Variants in IL31RA observed in about 807,000 individuals in gnomAD.
IL31RA encodes interleukin 31 receptor A.
IL31RA carries 66 observed loss-of-function variants against 83.7 expected under a neutral mutation model. The observed-to-expected ratio is 0.79, with a 90% CI of 0.65 to 0.97. IL31RA has a LOEUF of 0.97. IL31RA is among the 50% of genes least tolerant of loss of function. The pLI is 0.00. For missense variants in IL31RA, 798 were observed against 919.4 expected (o/e 0.87, Z 1.71); for synonymous variants, 325 against 329.0 (o/e 0.99, Z 0.13).
At chr5:55,851,019 C>A (rs551882508), upstream of IL31RA, among the ~76,000 whole-genome samples, 1 of 151,796 alleles carries the variant, frequency 6.6e-6, no homozygotes, top group South Asian at 2.1e-4. Flanking sequence ...CACTTCAACC[C>A]GGGAGGTGGA....
chr5:55,914,841 C>G lies in IL31RA; in HGVS notation c.1737-6C>G, dbSNP rs1451659440. The G allele has an allele frequency of 1.2e-6, 2 of 1,604,830 alleles. No individual in the cohort carries two copies. Among genetic ancestry groups the G allele is most frequent in the Non-Finnish European group, 1.7e-6 (2 of 1,171,400 alleles). On this transcript the variant is annotated splice_region_variant and splice_polypyrimidine_tract_variant and intron_variant, in intron 13 of 14. Coordinates refer to ENST00000652347, the MANE Select transcript of IL31RA (RefSeq NM_139017.7). Reference sequence around the variant, plus strand: ...ATTCCCATCTTAAAATCTTCTCTCTCATTAGCAAATTGACTCATCTGTGTT... The same window carrying G: ...ATTCCCATCTTAAAATCTTCTCTCTGATTAGCAAATTGACTCATCTGTGTT...
At chr5:55,901,306 T>C (rs539884798) in intron 8 of IL31RA, among the ~76,000 whole-genome samples, 2 of 152,230 alleles carry the variant, frequency 1.3e-5, no homozygotes, top group Admixed American at 6.5e-5. Context: ...AGAGGTGCTG[T>C]TAAATAGTAA....
At position 55,866,227 on chromosome 5, in the gene IL31RA, G is replaced by T. The variant is rs572337514; in HGVS notation, c.155-2564G>T. ...GAGGAGCTGCACCAGGCCACCCTCT[G>T]CCAGCACATTGTTAGGACTTCCATG... On this transcript the variant is annotated intron_variant, in intron 2 of 14. Transcript: ENST00000652347. Among the ~76,000 whole-genome samples the T allele has an allele frequency of 3.2e-4, 49 of 152,272 alleles. 2 individuals carry two copies. The South Asian group carries it at 9.7e-3, about 30-fold the overall frequency.
At chr5:55,884,476 C>T (rs1747456684) in intron 5 of IL31RA, among the ~76,000 whole-genome samples, 1 of 152,108 alleles carries the variant, frequency 6.6e-6, no homozygotes, top group South Asian at 2.1e-4. Flanking sequence ...ACTCTGTTAC[C>T]CAGGCTGGAG....
intron 5 of IL31RA, among the ~76,000 whole-genome samples, chr5:55,885,236 C>G (rs1747511131): frequency 6.6e-6 from 1 of 152,150 alleles, no homozygotes; most frequent in East Asian, 1.9e-4. Context: ...AGCATGCTCT[C>G]CTTGTCTGGA....
At chr5:55,867,193 GTGTGTT>G (rs1243425144) in intron 2 of IL31RA, among the ~76,000 whole-genome samples, 1 of 41,716 alleles carries the variant, frequency 2.4e-5, no homozygotes, top group African/African-American at 1.0e-4. Flanking sequence ...GTGTGTTTGT[GTGTGTT>G]TGTGTGTGTG....
At chr5:55,872,053 G>A (rs1439874611) in intron 3 of IL31RA, among the ~76,000 whole-genome samples, 1 of 152,008 alleles carries the variant, frequency 6.6e-6, no homozygotes, top group Non-Finnish European at 1.5e-5. Context: ...GGTTTTCATG[G>A]CTCCTAAAGC....
chr5:55,886,934 A>G (rs1747654374), intron 5 of IL31RA, among the ~76,000 whole-genome samples: 1 of 152,156 alleles, frequency 6.6e-6, no homozygotes, highest in Non-Finnish European at 1.5e-5. Flanking sequence ...CTGTCATTGC[A>G]CTTAACAGCA....
chr5:55,842,692 C>T, the IL31RA span, among the ~76,000 whole-genome samples: 1 of 152,158 alleles, frequency 6.6e-6, no homozygotes, highest in South Asian at 2.1e-4. Context: ...TTTACGTGTC[C>T]ATTTTCCCAC....
At chr5:55,896,275 G>T (rs1748326545) in intron 6 of IL31RA, 75 bp from the exon 7 acceptor site, 1 of 989,316 alleles carries the variant, frequency 1.0e-6, no homozygotes. Context: ...CTTCCCAACT[G>T]CCCAGCTAAC....
At chr5:55,879,045 C>T (rs1747027435) in intron 4 of IL31RA, among the ~76,000 whole-genome samples, 2 of 152,208 alleles carry the variant, frequency 1.3e-5, no homozygotes, top group Admixed American at 1.3e-4. Context: ...CATACATAAT[C>T]TCTTGCCCCA....
At chr5:55,880,850 A>G (rs904193793) in intron 4 of IL31RA, among the ~76,000 whole-genome samples, 18 of 152,296 alleles carry the variant, frequency 1.2e-4, no homozygotes, top group African/African-American at 4.3e-4. Flanking sequence ...TAGAAACACT[A>G]TTGTTAGCGG....
chr5:55,840,947 C>T, the IL31RA span, among the ~76,000 whole-genome samples: 3 of 152,306 alleles, frequency 2.0e-5, no homozygotes, highest in Middle Eastern at 3.4e-3. Context: ...TGCCACCATC[C>T]TTGGCACATA....
At chr5:55,860,816 A>G (rs956676673) in intron 2 of IL31RA, among the ~76,000 whole-genome samples, 1 of 152,200 alleles carries the variant, frequency 6.6e-6, no homozygotes, top group Admixed American at 6.5e-5. Flanking sequence ...GGCTGCCATA[A>G]CAAAATACCT....
chr5:55,916,343 G>A (rs992675461), intron 14 of IL31RA, among the ~76,000 whole-genome samples: 2 of 150,702 alleles, frequency 1.3e-5, no homozygotes, highest in African/African-American at 4.9e-5. Context: ...TCATGCTACT[G>A]TACTCCAGCC....
intron 5 of IL31RA, among the ~76,000 whole-genome samples, chr5:55,885,095 C>A (rs1747500152): frequency 6.6e-6 from 1 of 152,186 alleles, no homozygotes; most frequent in Non-Finnish European, 1.5e-5. Context: ...TGGATATGGT[C>A]ATTTATTCAG....
intron 6 of IL31RA, among the ~76,000 whole-genome samples, chr5:55,894,208 A>G (rs1313460225): frequency 6.6e-6 from 1 of 151,622 alleles, no homozygotes; most frequent in Admixed American, 6.6e-5. Context: ...TGCACGTGAG[A>G]GATGGAGTAA....
At chr5:55,855,216 C>T (rs1745284949) in intron 1 of IL31RA, among the ~76,000 whole-genome samples, 1 of 151,974 alleles carries the variant, frequency 6.6e-6, no homozygotes, top group African/African-American at 2.4e-5. Context: ...GTGATCATAG[C>T]TCATTGCAGC....
Position 55,913,483 on chromosome 5 carries a change from T to A in IL31RA, c.1649T>A (p.Phe550Tyr). ...TGTTCTTTGTTTTTCAAAGGTGTCTTTGAGATTATCCTCATAACTTCTCTG... is the reference window on the plus strand; with the variant it reads ...TGTTCTTTGTTTTTCAAAGGTGTCTATGAGATTATCCTCATAACTTCTCTG... ...INFKTLSFSVFEIILITSLIG... is the reference protein window; with the variant it reads ...INFKTLSFSVYEIILITSLIG... The change falls in exon 13 of 15, where the codon TTT becomes TAT. Residue 550 changes from phenylalanine (F) to tyrosine (Y), a missense_variant. Physicochemically the swap from Phe to Tyr is conservative, Grantham distance 22. Coordinates refer to ENST00000652347, the MANE Select transcript of IL31RA (RefSeq NM_139017.7). The A allele has an allele frequency of 6.2e-7, 1 of 1,608,958 alleles. No individual in the cohort carries two copies. Among genetic ancestry groups the A allele is most frequent in the Non-Finnish European group, 8.5e-7 (1 of 1,175,256 alleles).
Sources: gnomAD v4.1 joint callset for allele counts (sites outside exome capture counted in the v4.1 genomes callset) on GRCh38, gnomAD v4.1.1 for gene constraint, MANE v1.5 for transcripts, NCBI Gene and HGNC (gene_info 2026-07-23, HGNC 2026-07-21) for gene names.